MRPL1: variants seen among roughly 807,000 people sequenced by gnomAD.
MRPL1 encodes the protein large ribosomal subunit protein uL1m.
MRPL1 carries 28 observed loss-of-function variants against 38.0 expected under a neutral mutation model. The ratio of observed to expected loss-of-function variants is 0.74; its 90% confidence interval spans 0.55 to 1.01. The LOEUF (loss-of-function observed/expected upper bound fraction) is 1.01. Among genes scored for constraint, MRPL1 ranks in the 50% least tolerant of loss-of-function variants. The pLI, the probability that MRPL1 is intolerant of heterozygous loss-of-function variation, is 0.00. For synonymous variants in MRPL1, 123 were observed against 126.7 expected (o/e 0.97, Z 0.20); for missense variants, 358 against 389.8 (o/e 0.92, Z 0.69).
intron 1 of MRPL1, among the ~76,000 whole-genome samples, chr4:77,865,776 T>C (rs1735125657): frequency 6.6e-6 from 1 of 152,194 alleles, no homozygotes. Flanking sequence ...TGCAGCTACC[T>C]TGTTCCCACC....
intron 7 of MRPL1, among the ~76,000 whole-genome samples, chr4:77,937,449 C>T (rs566323467): frequency 6.6e-6 from 1 of 152,344 alleles, no homozygotes; most frequent in African/African-American, 2.4e-5. Flanking sequence ...GGCCTAACTG[C>T]TCTGGGGTAG....
chr4:77,949,959 A>T, intron 8 of MRPL1, 81 bp downstream of exon 8: 1 of 736,330 alleles, frequency 1.4e-6, no homozygotes. Flanking sequence ...AAGTCAAATT[A>T]ACATGCAAGT....
chr4:77,888,536 CAAAT>C (rs370184977), intron 5 of MRPL1, among the ~76,000 whole-genome samples: 42 of 151,932 alleles, frequency 2.8e-4, no homozygotes, highest in East Asian at 7.7e-4. Flanking sequence ...AATAAACAAA[CAAAT>C]AAATAAGAAA....
At position 77,887,121 on chromosome 4, in the gene MRPL1, G is replaced by A. The variant is rs1735695905; in HGVS notation, c.487-99G>A. On this transcript the variant is annotated intron_variant, in intron 4 of 8. Coordinates refer to ENST00000315567, the MANE Select transcript of MRPL1 (RefSeq NM_020236.4). ...CAATTAAAAATAAAAGCTACAATTT[G>A]TACTTTGAACTGTGATATTATTTCT... 3.1e-6 allele frequency: 3 copies of A among 960,888 alleles called. No homozygotes were observed. In the South Asian group the frequency reaches 4.2e-5, roughly 14 times the overall value. The allele number at this position is 960,888 out of a possible 1,614,324, so 59.5% of individuals were successfully genotyped here. A position where few individuals can be genotyped will look rare whatever the true frequency, so the allele number is the denominator to read the frequency against.
At chr4:77,893,271 C>A (rs113900957) in intron 5 of MRPL1, among the ~76,000 whole-genome samples, 2 of 152,238 alleles carry the variant, frequency 1.3e-5, no homozygotes, top group African/African-American at 4.8e-5. Flanking sequence ...TGTGTGCCAC[C>A]ACGCCCGGCT....
In MRPL1 at chr4:77,871,505, C is replaced by T. The variant is rs184764600; in HGVS notation, c.32-239C>T. Among the ~76,000 whole-genome samples the T allele has an allele frequency of 4.2e-3, 644 of 152,032 alleles. 7 individuals carry two copies. Among genetic ancestry groups the T allele is most frequent in the African/African-American group, 0.015 (619 of 41,490 alleles). On this transcript the variant is annotated intron_variant, in intron 1 of 8. Transcript: ENST00000315567. ...ATTTTTAGTAGAGACGGGGTTTCAC[C>T]GTGTTAGCAAGGATGGTCTTGATCT...
chr4:77,905,021 C>T (rs1736120457), intron 6 of MRPL1, among the ~76,000 whole-genome samples: 1 of 152,076 alleles, frequency 6.6e-6, no homozygotes, highest in African/African-American at 2.4e-5. Flanking sequence ...AACATTTTTG[C>T]TCATGGGTGA....
intron 1 of MRPL1, 27 bp downstream of exon 1, chr4:77,862,906 G>T (rs1735034375): frequency 6.2e-7 from 1 of 1,613,968 alleles, no homozygotes; most frequent in African/African-American, 1.3e-5. Context: ...TCTTGCAGGG[G>T]AAATGGCTCT....
intron 6 of MRPL1, among the ~76,000 whole-genome samples, chr4:77,898,135 A>G (rs1385515426): frequency 2.0e-5 from 3 of 152,194 alleles, no homozygotes; most frequent in African/African-American, 7.2e-5. Context: ...TCATTCGAAC[A>G]TCATCTAAAC....
At chr4:77,909,793 G>A (rs1300305698) in intron 7 of MRPL1, among the ~76,000 whole-genome samples, 1 of 152,064 alleles carries the variant, frequency 6.6e-6, no homozygotes, top group Non-Finnish European at 1.5e-5. Context: ...AATGAATTAT[G>A]TCCAATTTTC....
intron 4 of MRPL1, among the ~76,000 whole-genome samples, chr4:77,886,557 C>G (rs1735680327): frequency 6.6e-6 from 1 of 152,064 alleles, no homozygotes; most frequent in African/African-American, 2.4e-5. Context: ...TGGTCTCGAG[C>G]TCCTGACCTT....
intron 1 of MRPL1, among the ~76,000 whole-genome samples, chr4:77,870,346 A>G (rs936513723): frequency 6.6e-6 from 1 of 152,130 alleles, no homozygotes; most frequent in African/African-American, 2.4e-5. Flanking sequence ...CAAGCTTCGA[A>G]TGGATAATTG....
chr4:77,887,004 T>A (rs557228695), intron 4 of MRPL1, among the ~76,000 whole-genome samples: 26 of 152,082 alleles, frequency 1.7e-4, no homozygotes, highest in Admixed American at 1.2e-3. Context: ...TTGGCCAGGC[T>A]AGTCTTGAAC....
At position 77,906,848 on chromosome 4, in the gene MRPL1, C is replaced by G. The variant is rs72869567; in HGVS notation, c.671-2418C>G. 2.5e-4 allele frequency: 101 copies of G among 410,366 alleles called. 1 individual carries two copies. The highest frequency in any genetic ancestry group is 2.1e-3 in the African/African-American group (96 of 46,034). 25.4% of individuals were successfully genotyped at this position (410,366 alleles called of 1,614,324 possible). A position where few individuals can be genotyped will look rare whatever the true frequency, so the allele number is the denominator to read the frequency against. On this transcript the variant is annotated intron_variant, in intron 6 of 8. Coordinates refer to ENST00000315567, the MANE Select transcript of MRPL1 (RefSeq NM_020236.4). Reference sequence around the variant, plus strand: ...ACTGTTTACTAGTATACAATTTTATCATATTGTTTAGTATTCAGTTACATC... The same window carrying G: ...ACTGTTTACTAGTATACAATTTTATGATATTGTTTAGTATTCAGTTACATC...
rs1737068086 is a variant in MRPL1, at chr4:77,939,490, G to T, written c.778-10307G>T. On this transcript the variant is annotated intron_variant, in intron 7 of 8. Transcript: ENST00000315567. Reference sequence around the variant, plus strand: ...AAGATTTTCTCCCACTCTTTGGGTTGTCTGTTTACTCTGCTGATTGTTTCT... The same window carrying T: ...AAGATTTTCTCCCACTCTTTGGGTTTTCTGTTTACTCTGCTGATTGTTTCT... Among the ~76,000 whole-genome samples the T allele has an allele frequency of 1.3e-5, 2 of 152,134 alleles. 1 individual carries two copies. The highest frequency in any genetic ancestry group is 4.1e-4 in the South Asian group (2 of 4,828).
chr4:77,921,464 T>G (rs761535103), intron 7 of MRPL1, among the ~76,000 whole-genome samples: 2 of 152,120 alleles, frequency 1.3e-5, no homozygotes, highest in African/African-American at 2.4e-5. Context: ...GAACAAGTTA[T>G]GAAGATATCT....
At chr4:77,883,166 A>T (rs1223055452) in intron 2 of MRPL1, 76 bp from the exon 3 acceptor site, 2 of 953,258 alleles carry the variant, frequency 2.1e-6, no homozygotes, top group Non-Finnish European at 1.5e-6. Flanking sequence ...TTTTTCTCTT[A>T]TGTACACTGG....
rs144349335 is a variant in MRPL1, at chr4:77,934,483, A to G, written c.778-15314A>G. ...CAGGAAAATGCAAATTAAAATCACAATGAGATACCCCTTCATACTCTGTAG... is the reference window on the plus strand; with the variant it reads ...CAGGAAAATGCAAATTAAAATCACAGTGAGATACCCCTTCATACTCTGTAG... On this transcript the variant is annotated intron_variant, in intron 7 of 8. Transcript: ENST00000315567. Among the ~76,000 whole-genome samples, 593 of 152,302 alleles carry G rather than the reference A, an allele frequency of 3.9e-3. 1 individual carries two copies. Among genetic ancestry groups the G allele is most frequent in the Admixed American group, 6.2e-3 (95 of 15,296 alleles).
chr4:77,946,136 T>C (rs2110267827), intron 7 of MRPL1, among the ~76,000 whole-genome samples: 1 of 152,152 alleles, frequency 6.6e-6, no homozygotes, highest in African/African-American at 2.4e-5. Flanking sequence ...GAGCGGCCGT[T>C]TATAGACCTC....
Sources: gnomAD v4.1 joint callset for allele counts (sites outside exome capture counted in the v4.1 genomes callset) on GRCh38, gnomAD v4.1.1 for gene constraint, MANE v1.5 for transcripts, NCBI Gene and HGNC (gene_info 2026-07-23, HGNC 2026-07-21) for gene names.